CYFIP1: variants seen among roughly 807,000 people sequenced by gnomAD.
CYFIP1 encodes the protein cytoplasmic FMR1-interacting protein 1.
In CYFIP1, 58 loss-of-function variants were observed where a neutral mutation model predicts 163.5. The observed-to-expected ratio is 0.35, with a 90% CI of 0.29 to 0.44. CYFIP1 has a LOEUF of 0.44. Ranked by LOEUF, CYFIP1 falls within the 20% of genes least tolerant of loss-of-function variation. CYFIP1 has a pLI of 1.00. For synonymous variants in CYFIP1, 663 were observed against 660.7 expected (o/e 1.00, Z -0.05); for missense variants, 1,338 against 1,653.8 (o/e 0.81, Z 3.31).
At chr15:22,940,422 A>G (rs1109589) in intron 6 of CYFIP1, among the ~76,000 whole-genome samples, 34,605 of 152,122 alleles carry the variant, frequency 0.23, 4,525 homozygotes, top group Admixed American at 0.32. Flanking sequence ...GATACTGACA[A>G]GCACTCAAAG....
chr15:22,968,743 T>C (rs2062993940), intron 1 of CYFIP1, among the ~76,000 whole-genome samples: 2 of 152,192 alleles, frequency 1.3e-5, no homozygotes, highest in African/African-American at 4.8e-5. Context: ...TTTTTGTTCA[T>C]ATGCACAAGT....
intron 22 of CYFIP1, among the ~76,000 whole-genome samples, chr15:22,897,330 G>T (rs28427272): frequency 0.32 from 47,896 of 151,580 alleles, 7,934 homozygotes; most frequent in South Asian, 0.39. Flanking sequence ...AAAAAAAAGA[G>T]AGAGTGTTGA....
intron 6 of CYFIP1, 43 bp downstream of exon 6, chr15:22,943,130 G>A: frequency 1.3e-6 from 2 of 1,591,886 alleles, no homozygotes; most frequent in South Asian, 1.1e-5. Context: ...CACTGAGCTG[G>A]GTGCTCTCGG....
chr15:22,911,154 C>T (rs113991879), intron 18 of CYFIP1, among the ~76,000 whole-genome samples: 1,570 of 151,876 alleles, frequency 0.01, 20 homozygotes, highest in Non-Finnish European at 0.015. Context: ...CCAGCCTCGG[C>T]GACAGAGCAA....
chr15:22,943,503 A>G, intron 5 of CYFIP1, 149 bp from the exon 6 acceptor site: 1 of 789,326 alleles, frequency 1.3e-6, no homozygotes, highest in Non-Finnish European at 2.0e-6. Flanking sequence ...AATGTGGGCA[A>G]CCAGACCCCT....
At position 22,867,361 on chromosome 15, in the gene CYFIP1, C is replaced by T. The variant is rs754415655; in HGVS notation, c.*2667G>A. The T allele has an allele frequency of 5.1e-6, 2 of 393,718 alleles. No individual in the cohort carries two copies. Among genetic ancestry groups the T allele is most frequent in the Non-Finnish European group, 8.9e-6 (2 of 223,668 alleles). The allele number at this position is 393,718 out of a possible 1,614,324, so 24.4% of individuals were successfully genotyped here. A position where few individuals can be genotyped will look rare whatever the true frequency, so the allele number is the denominator to read the frequency against. On this transcript the variant is annotated 3_prime_UTR_variant, in exon 31 of 31. Transcript: ENST00000617928. ...TATTTATTAAGGGAAAACTAAGTTACTGAATGAAGGAACCTCTTTCTTACA... is the reference window on the plus strand; with the variant it reads ...TATTTATTAAGGGAAAACTAAGTTATTGAATGAAGGAACCTCTTTCTTACA...
intron 1 of CYFIP1, among the ~76,000 whole-genome samples, chr15:22,954,887 C>G (rs745493639): frequency 4.6e-5 from 7 of 152,140 alleles, no homozygotes; most frequent in Non-Finnish European, 1.0e-4. Context: ...AGTCCCGGGT[C>G]AATCTCTGAG....
intron 23 of CYFIP1, among the ~76,000 whole-genome samples, chr15:22,887,975 C>T (rs1341214381): frequency 3.3e-5 from 5 of 152,124 alleles, no homozygotes; most frequent in African/African-American, 4.8e-5. Flanking sequence ...CTAACTTTCA[C>T]GACACTCTGA....
At chr15:22,955,872 A>G (rs1229565760) in intron 1 of CYFIP1, among the ~76,000 whole-genome samples, 2 of 138,860 alleles carry the variant, frequency 1.4e-5, no homozygotes, top group African/African-American at 5.4e-5. Context: ...AAAACCTCAC[A>G]ATCATCACAT....
At position 22,910,734 on chromosome 15, in the gene CYFIP1, C is replaced by T. The variant is rs1169997508; in HGVS notation, c.2159+3G>A. Reference sequence around the variant, plus strand: ...GTATCAAAATCACACACCAGATACTCACCTTCCTGCCATAACCTTATAATA... The same window carrying T: ...GTATCAAAATCACACACCAGATACTTACCTTCCTGCCATAACCTTATAATA... On this transcript the variant is annotated splice_donor_region_variant and intron_variant, in intron 19 of 30. Transcript: ENST00000617928. The T allele has an allele frequency of 1.2e-6, 2 of 1,612,896 alleles. No individual in the cohort carries two copies. The highest frequency in any genetic ancestry group is 1.3e-5 in the African/African-American group (1 of 74,894).
chr15:22,882,082 C>T, intron 24 of CYFIP1, 146 bp from the exon 25 acceptor site: 2 of 671,432 alleles, frequency 3.0e-6, no homozygotes, highest in Non-Finnish European at 5.1e-6. Context: ...GGAATAAAAT[C>T]CACCCCGGGA....
chr15:22,956,024 T>C (rs1318534503), intron 1 of CYFIP1, among the ~76,000 whole-genome samples: 1 of 152,072 alleles, frequency 6.6e-6, no homozygotes, highest in Non-Finnish European at 1.5e-5. Flanking sequence ...CTGGCTAACA[T>C]GGCGAAATAC....
Position 22,909,420 on chromosome 15 carries a change from A to G in CYFIP1, c.2269-107T>C, listed in dbSNP as rs1262244785. The G allele has an allele frequency of 1.3e-5, 18 of 1,388,208 alleles. No homozygotes were observed. The East Asian group carries it at 4.2e-4, about 32-fold the overall frequency. 86.0% of individuals were successfully genotyped at this position (1,388,208 alleles called of 1,614,324 possible). On this transcript the variant is annotated intron_variant, in intron 20 of 30. Transcript: ENST00000617928. ...GAGAAGCTGGTCTGTCAATAACGAC[A>G]CCCTTTACAACCACGTTCAAGACCC...
At chr15:22,899,115 G>C (rs1199801903) in intron 22 of CYFIP1, among the ~76,000 whole-genome samples, 2 of 152,048 alleles carry the variant, frequency 1.3e-5, no homozygotes, top group Non-Finnish European at 2.9e-5. Flanking sequence ...TAGGATTACA[G>C]GTGTGAGCCA....
intron 25 of CYFIP1, 77 bp from the exon 26 acceptor site, chr15:22,880,120 G>T: frequency 1.3e-6 from 2 of 1,572,720 alleles, no homozygotes; most frequent in South Asian, 1.1e-5. Flanking sequence ...ACAGCCAGGA[G>T]CACCTGCCGT....
intron 8 of CYFIP1, among the ~76,000 whole-genome samples, chr15:22,938,508 G>A (rs2061787867): frequency 6.6e-6 from 1 of 152,132 alleles, no homozygotes; most frequent in African/African-American, 2.4e-5. Context: ...AGGAGCCTGA[G>A]GCAGAAAGAT....
At chr15:22,871,968 TGTG>T (rs1408094026) in intron 30 of CYFIP1, among the ~76,000 whole-genome samples, 2 of 152,082 alleles carry the variant, frequency 1.3e-5, no homozygotes, top group Non-Finnish European at 2.9e-5. Context: ...CTGCCAAGCC[TGTG>T]GTGATTTGTT....
Position 22,867,335 on chromosome 15 carries a change from A to ATAT in CYFIP1, c.*2690_*2692dup, listed in dbSNP as rs1016119559. On this transcript the variant is annotated 3_prime_UTR_variant, in exon 31 of 31. Transcript: ENST00000617928. ...GATGATGATTGGTTTTATTTTTGAAATATTTATTAAGGGAAAACTAAGTTA... is the reference window on the plus strand; with the variant it reads ...GATGATGATTGGTTTTATTTTTGAAATATTATTTATTAAGGGAAAACTAAGTTA... 2.5e-5 allele frequency: 10 copies of ATAT among 396,404 alleles called. No individual in the cohort carries two copies. Among genetic ancestry groups the ATAT allele is most frequent in the African/African-American group, 8.2e-5 (4 of 48,502 alleles). The allele number at this position is 396,404 out of a possible 1,614,324, so 24.6% of individuals were successfully genotyped here.
intron 20 of CYFIP1, among the ~76,000 whole-genome samples, 194 bp downstream of exon 20, chr15:22,910,326 T>G (rs2060742599): frequency 6.6e-6 from 1 of 152,082 alleles, no homozygotes; most frequent in East Asian, 1.9e-4. Context: ...CACGCCCAGC[T>G]AATTTTTGTA....
Sources: gnomAD v4.1 joint callset for allele counts (sites outside exome capture counted in the v4.1 genomes callset) on GRCh38, gnomAD v4.1.1 for gene constraint, MANE v1.5 for transcripts, NCBI Gene and HGNC (gene_info 2026-07-23, HGNC 2026-07-21) for gene names.